Variants in TRIM44 observed in about 807,000 individuals in gnomAD.
TRIM44 encodes tripartite motif containing 44, also known as tripartite motif-containing protein 44.
In TRIM44, 13 loss-of-function variants were observed where a neutral mutation model predicts 37.4. That is an observed-to-expected ratio of 0.35 (90% CI 0.23 to 0.55). TRIM44 has a LOEUF of 0.55. TRIM44 is among the 20% of genes least tolerant of loss of function. The probability of loss-of-function intolerance (pLI) is 0.89; values close to 1 mark genes in which losing one functional copy is unlikely to be tolerated. For synonymous variants in TRIM44, 175 were observed against 157.2 expected (o/e 1.11, Z -0.85); for missense variants, 426 against 437.2 (o/e 0.97, Z 0.23).
chr11:35,766,869 C>T (rs1197415610), intron 4 of TRIM44, among the ~76,000 whole-genome samples: 4 of 152,182 alleles, frequency 2.6e-5, no homozygotes, highest in African/African-American at 7.2e-5. Context: ...TGTGGAATGA[C>T]TTTGTGAATA....
chr11:35,747,110 T>C (rs563015816), intron 4 of TRIM44, among the ~76,000 whole-genome samples: 8 of 152,316 alleles, frequency 5.3e-5, no homozygotes, highest in African/African-American at 1.7e-4. Flanking sequence ...CTAGATACTT[T>C]GGGACAGCTG....
intron 1 of TRIM44, among the ~76,000 whole-genome samples, chr11:35,680,018 T>G (rs1038124761): frequency 6.6e-6 from 1 of 152,214 alleles, no homozygotes; most frequent in Non-Finnish European, 1.5e-5. Flanking sequence ...GCTAATGTCA[T>G]GTACAGCCCA....
chr11:35,723,278 A>C (rs959053782), intron 2 of TRIM44, among the ~76,000 whole-genome samples: 4 of 152,118 alleles, frequency 2.6e-5, no homozygotes, highest in African/African-American at 9.7e-5. Context: ...AGAAGGTTAG[A>C]TTCAGATGTT....
chr11:35,727,157 CA>C (rs56986873), intron 3 of TRIM44, among the ~76,000 whole-genome samples: 1,352 of 91,952 alleles, frequency 0.015, 20 homozygotes, highest in African/African-American at 0.043. Context: ...GATCCTGTCT[CA>C]AAAAAAAAAA....
chr11:35,788,976 C>G (rs1420242311), intron 4 of TRIM44, among the ~76,000 whole-genome samples: 2 of 152,164 alleles, frequency 1.3e-5, no homozygotes, highest in Non-Finnish European at 2.9e-5. Flanking sequence ...ATATTTCAGC[C>G]TGAGGCCCTA....
intron 4 of TRIM44, among the ~76,000 whole-genome samples, chr11:35,736,420 G>A (rs573519840): frequency 1.3e-5 from 2 of 152,278 alleles, no homozygotes; most frequent in East Asian, 1.9e-4. Context: ...TCACTATCAA[G>A]TCGCTTATTA....
chr11:35,806,085 AT>A (rs1853444107), intron 4 of TRIM44, among the ~76,000 whole-genome samples: 1 of 152,214 alleles, frequency 6.6e-6, no homozygotes, highest in Non-Finnish European at 1.5e-5. Context: ...CACGTACTGT[AT>A]ACCAGGTACT....
intron 2 of TRIM44, among the ~76,000 whole-genome samples, chr11:35,714,321 T>C (rs996800212): frequency 1.3e-5 from 2 of 152,144 alleles, no homozygotes; most frequent in Non-Finnish European, 2.9e-5. Context: ...TTTAGAAAAA[T>C]ATCTATGAGA....
chr11:35,694,367 G>A (rs1851671940), intron 2 of TRIM44, among the ~76,000 whole-genome samples: 1 of 152,136 alleles, frequency 6.6e-6, no homozygotes, highest in South Asian at 2.1e-4. Flanking sequence ...ATTAAGAAGA[G>A]TGAATTAATG....
chr11:35,752,095 G>T (rs1218463552), intron 4 of TRIM44, among the ~76,000 whole-genome samples: 5 of 151,446 alleles, frequency 3.3e-5, no homozygotes, highest in Non-Finnish European at 7.4e-5. Context: ...TGCCTTCTTA[G>T]TAAGTGGCAT....
chr11:35,689,403 A>G lies in TRIM44; in HGVS notation c.747+4067A>G, dbSNP rs1286528969. On this transcript the variant is annotated intron_variant, in intron 2 of 4. Coordinates refer to ENST00000299413, the MANE Select transcript of TRIM44 (RefSeq NM_017583.6). ...GCATCTAGAACCCTCTATATCGTGG[A>G]AGAAGATTACTTTTAATAACAAACA... 2.6e-5 allele frequency among the ~76,000 whole-genome samples: 4 copies of G among 152,218 alleles called. No homozygotes were observed. In the East Asian group the frequency reaches 7.7e-4, roughly 29 times the overall value.
intron 4 of TRIM44, among the ~76,000 whole-genome samples, chr11:35,788,914 T>C (rs1853164248): frequency 6.6e-6 from 1 of 152,218 alleles, no homozygotes; most frequent in Non-Finnish European, 1.5e-5. Flanking sequence ...GCTTAAACTT[T>C]TACAGACAGA....
Position 35,742,797 on chromosome 11 carries a change from AAT to A in TRIM44, c.1007+7357_1007+7358del, listed in dbSNP as rs1491541436. Among the ~76,000 whole-genome samples the A allele has an allele frequency of 2.2e-3, 12 of 5,440 alleles. No individual in the cohort carries two copies. In the South Asian group the frequency reaches 0.087, roughly 39 times the overall value. 3.6% of individuals were successfully genotyped at this position (5,440 alleles called of 152,430 possible). ...TTACATATAAATATACAATTATATT[AAT>A]ATATTAAATATAATTATAATATTAA... On this transcript the variant is annotated intron_variant, in intron 4 of 4. Transcript: ENST00000299413.
At position 35,814,202 on chromosome 11, in the gene TRIM44, G is replaced by C. The variant is rs1853556273; in HGVS notation, c.*7817G>C. Reference sequence around the variant, plus strand: ...TACACAATTTAACCTGTAATAACAGGTTCTCACTTGTATTTCTCCAGCTCT... The same window carrying C: ...TACACAATTTAACCTGTAATAACAGCTTCTCACTTGTATTTCTCCAGCTCT... On this transcript the variant is annotated 3_prime_UTR_variant, in exon 5 of 5. Coordinates refer to ENST00000299413, the MANE Select transcript of TRIM44 (RefSeq NM_017583.6). 2 of 152,190 alleles carry C rather than the reference G, an allele frequency of 1.3e-5. No homozygotes were observed. Among genetic ancestry groups the C allele is most frequent in the African/African-American group, 4.8e-5 (2 of 41,444 alleles). 9.4% of individuals were successfully genotyped at this position (152,190 alleles called of 1,614,324 possible).
rs1403539648 is a variant in TRIM44, at chr11:35,725,980, A to G, written c.804A>G (p.Lys268=). 1.2e-6 allele frequency: 2 copies of G among 1,614,120 alleles called. No homozygotes were observed. Among genetic ancestry groups the G allele is most frequent in the African/African-American group, 1.3e-5 (1 of 75,062 alleles). ...FIQQEFKKVQ[K]VIADEEQKAL... is the part of the protein sequence containing the mutation. ...AGCAGGAATTTAAGAAAGTTCAGAA[A>G]GTGATTGCTGATGAGGAGCAGAAGG... is the stretch of plus-strand genomic sequence containing the variant. Residue 268 remains lysine (K), a synonymous_variant, in exon 3 of 5, where the codon AAA becomes AAG. Coordinates refer to ENST00000299413, the MANE Select transcript of TRIM44 (RefSeq NM_017583.6).
intron 4 of TRIM44, among the ~76,000 whole-genome samples, chr11:35,791,572 A>G (rs972322708): frequency 1.3e-5 from 2 of 152,162 alleles, no homozygotes; most frequent in East Asian, 1.9e-4. Context: ...TCACTGGACC[A>G]TCGCACATTT....
At position 35,686,356 on chromosome 11, in the gene TRIM44, CTTTTTG is replaced by C. The variant is rs1334818306; in HGVS notation, c.747+1038_747+1043del. 8.4e-5 allele frequency among the ~76,000 whole-genome samples: 12 copies of C among 143,698 alleles called. No individual in the cohort carries two copies. In the East Asian group the frequency reaches 1.2e-3, roughly 14 times the overall value. The allele number at this position is 143,698 out of a possible 152,430, so 94.3% of individuals were successfully genotyped here. ...GCATGATTTTATTTTACTGTAGGTT[CTTTTTG>C]TTTTTGTTTTTGTTTTTTTTTTTTT... On this transcript the variant is annotated intron_variant, in intron 2 of 4. Transcript: ENST00000299413.
intron 4 of TRIM44, among the ~76,000 whole-genome samples, chr11:35,759,668 A>G (rs561458504): frequency 2.0e-5 from 3 of 152,042 alleles, no homozygotes; most frequent in Non-Finnish European, 4.4e-5. Flanking sequence ...TGACGTACAG[A>G]TGGGGTTTTG....
chr11:35,798,238 G>C (rs536609766), intron 4 of TRIM44, among the ~76,000 whole-genome samples: 5 of 152,166 alleles, frequency 3.3e-5, no homozygotes, highest in African/African-American at 1.2e-4. Flanking sequence ...TTTGTCTCAC[G>C]TGAGCAGAGG....
Sources: gnomAD v4.1 joint callset for allele counts (sites outside exome capture counted in the v4.1 genomes callset) on GRCh38, gnomAD v4.1.1 for gene constraint, MANE v1.5 for transcripts, NCBI Gene and HGNC (gene_info 2026-07-23, HGNC 2026-07-21) for gene names.